The following UBAP1L variants were observed in gnomAD, a reference collection of about 807,000 sequenced individuals.
UBAP1L encodes the protein ubiquitin associated protein 1 like.
UBAP1L carries 32 observed loss-of-function variants against 32.1 expected under a neutral mutation model. The ratio of observed to expected loss-of-function variants is 1.00; its 90% CI spans 0.75 to 1.34. UBAP1L has a LOEUF of 1.34. Among genes scored for constraint, UBAP1L ranks in the 40% most tolerant of loss-of-function variants. UBAP1L has a pLI of 0.00. For missense variants in UBAP1L, 516 were observed against 540.5 expected, an observed-to-expected ratio of 0.95 and a Z score of 0.45; for synonymous variants, 243 against 250.2, an observed-to-expected ratio of 0.97 and a Z score of 0.27.
At chr15:65,112,251 G>C (rs1370016514) in intron 1 of UBAP1L, among the ~76,000 whole-genome samples, 1 of 152,174 alleles carries the variant, frequency 6.6e-6, no homozygotes, top group Non-Finnish European at 1.5e-5. Context: ...TAAGCAGATG[G>C]TCTGTGCTGG....
chr15:65,104,187 G>A (rs1471884892), intron 2 of UBAP1L, among the ~76,000 whole-genome samples: 1 of 152,030 alleles, frequency 6.6e-6, no homozygotes, highest in Non-Finnish European at 1.5e-5. Flanking sequence ...GGGAGGTGGA[G>A]GTTGCAATGT....
At position 65,106,348 on chromosome 15, in the gene UBAP1L, A is replaced by G; in HGVS notation, c.-133T>C. The stretch of plus-strand genomic sequence containing the variant: ...GCTCTCCTGTGTGGTCACTTAGCTG[A>G]GCCCCAAACAGCTGGAAAGGAAAAG... On this transcript the variant is annotated 5_prime_UTR_variant, in exon 2 of 6. Coordinates refer to ENST00000559089, the MANE Select transcript of UBAP1L (RefSeq NM_001163692.2). 1 of 1,076,666 alleles carries G rather than the reference A, an allele frequency of 9.3e-7. No individual in the cohort carries two copies. Among genetic ancestry groups the G allele is most frequent in the Non-Finnish European group, 1.3e-6 (1 of 790,856 alleles). 66.7% of individuals were successfully genotyped at this position (1,076,666 alleles called of 1,614,324 possible).
At chr15:65,097,237 C>T (rs771297607) in intron 4 of UBAP1L, 3 of 152,314 alleles carry the variant, frequency 2.0e-5, no homozygotes, top group Non-Finnish European at 4.4e-5. Flanking sequence ...ATCTTCAGAC[C>T]CCCAGAGTGA....
At chr15:65,113,363 G>A (rs1315142246) in intron 1 of UBAP1L, among the ~76,000 whole-genome samples, 1 of 152,150 alleles carries the variant, frequency 6.6e-6, no homozygotes, top group Admixed American at 6.5e-5. Flanking sequence ...GCCTTCAACT[G>A]CCATGGTCTC....
At chr15:65,105,160 C>T (rs2087294265) in intron 2 of UBAP1L, among the ~76,000 whole-genome samples, 1 of 150,826 alleles carries the variant, frequency 6.6e-6, no homozygotes, top group Non-Finnish European at 1.5e-5. Flanking sequence ...GCCTGGGCGA[C>T]AGAGTGAGGC....
intron 1 of UBAP1L, among the ~76,000 whole-genome samples, chr15:65,107,257 G>A (rs1212142846): frequency 6.6e-6 from 1 of 150,966 alleles, no homozygotes; most frequent in African/African-American, 2.4e-5. Context: ...CTAATAAAGA[G>A]TATCTCTAAC....
In UBAP1L at chr15:65,093,347, C is replaced by G. The variant is rs2087139454; in HGVS notation, c.1012-116G>C. On this transcript the variant is annotated intron_variant, in intron 5 of 5. Transcript: ENST00000559089. ...AGTCCCAAAAAGCTGTGGCTACCCCCAGGCCACGTGAGCCTGATCCTGGGC... is the reference window on the plus strand; with the variant it reads ...AGTCCCAAAAAGCTGTGGCTACCCCGAGGCCACGTGAGCCTGATCCTGGGC... 4 of 1,313,912 alleles carry G rather than the reference C, an allele frequency of 3.0e-6. No individual in the cohort carries two copies. The African/African-American group carries it at 4.5e-5, about 15-fold the overall frequency. The allele number at this position is 1,313,912 out of a possible 1,614,324, so 81.4% of individuals were successfully genotyped here. A position where few individuals can be genotyped will look rare whatever the true frequency, so the allele number is the denominator to read the frequency against.
chr15:65,104,632 C>G (rs2087284395), intron 2 of UBAP1L, among the ~76,000 whole-genome samples: 1 of 152,180 alleles, frequency 6.6e-6, no homozygotes, highest in Non-Finnish European at 1.5e-5. Flanking sequence ...AATGCCAGCA[C>G]TGGGAGGCCG....
chr15:65,094,349 C>A lies in UBAP1L; in HGVS notation c.1011+126G>T, dbSNP rs1014510761. On this transcript the variant is annotated intron_variant, in intron 5 of 5. Coordinates refer to ENST00000559089, the MANE Select transcript of UBAP1L (RefSeq NM_001163692.2). This position sits in a 1 kb window ranked among gnomAD's most constrained non-coding sequence, Gnocchi z 4.2. ...TCAGAGCTGAGGAGTCAGGCAATCT[C>A]CCGACAGACCCACAGGCTGGACCCA... The A allele has an allele frequency of 4.6e-6, 3 of 650,550 alleles. No homozygotes were observed. Among genetic ancestry groups the A allele is most frequent in the Non-Finnish European group, 7.8e-6 (3 of 383,170 alleles). 40.3% of individuals were successfully genotyped at this position (650,550 alleles called of 1,614,324 possible).
chr15:65,102,456 A>G lies in UBAP1L; in HGVS notation c.349T>C (p.Ser117Pro). 7.0e-7 allele frequency: 1 copy of G among 1,425,022 alleles called. No homozygotes were observed. The highest frequency in any genetic ancestry group is 9.2e-7 in the Non-Finnish European group (1 of 1,089,668). 88.3% of individuals were successfully genotyped at this position (1,425,022 alleles called of 1,614,324 possible). The change falls in exon 3 of 6, where the codon TCT (serine) becomes CCT (proline). Residue 117 changes from serine (S) to proline (P), a missense_variant. Ser to Pro is a moderately conservative substitution (Grantham distance 74, BLOSUM62 -1). Coordinates refer to ENST00000559089, the MANE Select transcript of UBAP1L (RefSeq NM_001163692.2). This position sits in a 1 kb window ranked among gnomAD's most constrained non-coding sequence, Gnocchi z 5.0. ...GGGGCCGGCTCTTCCTCGCTGCCAGAGGAGGCTTCTGCCTCGTCCTCACCC... is the reference window on the plus strand; with the variant it reads ...GGGGCCGGCTCTTCCTCGCTGCCAGGGGAGGCTTCTGCCTCGTCCTCACCC... The part of the protein sequence containing the change: ...EEGEDEAEAS[S>P]GSEEEPAPSS...
At position 65,093,111 on chromosome 15, in the gene UBAP1L, C is replaced by G; in HGVS notation, c.1132G>C (p.Ala378Pro). Residue 378 changes from alanine to proline, a missense_variant, in exon 6 of 6, where the codon GCC becomes CCC. Transcript: ENST00000559089. ...RREQALEELV[A>P]CAQ ...TGCCTCCGTGGTCACTGGGCACAGG[C>G]CACCAGCTCCTCCAGGGCTTGCTCT... 1 of 1,548,950 alleles carries G rather than the reference C, an allele frequency of 6.5e-7. No homozygotes were observed. Among genetic ancestry groups the G allele is most frequent in the Non-Finnish European group, 8.7e-7 (1 of 1,146,456 alleles).
chr15:65,111,792 C>CTT (rs765098451), intron 1 of UBAP1L, among the ~76,000 whole-genome samples: 1 of 149,182 alleles, frequency 6.7e-6, no homozygotes, highest in Non-Finnish European at 1.5e-5. Flanking sequence ...GCCTATATCT[C>CTT]TTTTTTTTTT....
Position 65,106,350 on chromosome 15 carries a change from C to T in UBAP1L, c.-135G>A. On this transcript the variant is annotated 5_prime_UTR_variant, in exon 2 of 6. Coordinates refer to ENST00000559089, the MANE Select transcript of UBAP1L (RefSeq NM_001163692.2). ...TCTCCTGTGTGGTCACTTAGCTGAG[C>T]CCCAAACAGCTGGAAAGGAAAAGGT... The T allele has an allele frequency of 9.3e-7, 1 of 1,071,256 alleles. No individual in the cohort carries two copies. Among genetic ancestry groups the T allele is most frequent in the Non-Finnish European group, 1.3e-6 (1 of 786,742 alleles). The allele number at this position is 1,071,256 out of a possible 1,614,324, so 66.4% of individuals were successfully genotyped here. A position where few individuals can be genotyped will look rare whatever the true frequency, so the allele number is the denominator to read the frequency against.
At chr15:65,109,885 TAGTC>T (rs1400274806) in intron 1 of UBAP1L, among the ~76,000 whole-genome samples, 1 of 152,236 alleles carries the variant, frequency 6.6e-6, no homozygotes, top group East Asian at 1.9e-4. Flanking sequence ...GAAAGTCACT[TAGTC>T]AACAGTATCT....
chr15:65,108,990 C>T (rs1442024255), intron 1 of UBAP1L, among the ~76,000 whole-genome samples: 3 of 151,086 alleles, frequency 2.0e-5, no homozygotes, highest in African/African-American at 7.3e-5. Context: ...AACCCTGTTT[C>T]TACTAAACAT....
intron 4 of UBAP1L, chr15:65,096,389 G>A (rs2087174113): frequency 6.6e-6 from 1 of 152,180 alleles, no homozygotes; most frequent in South Asian, 2.1e-4. Context: ...CAGTGAATGG[G>A]GACAGCTGAC....
In UBAP1L at chr15:65,106,272, G is replaced by A; in HGVS notation, c.-57C>T. On this transcript the variant is annotated 5_prime_UTR_variant, in exon 2 of 6. Coordinates refer to ENST00000559089, the MANE Select transcript of UBAP1L (RefSeq NM_001163692.2). ...CTGGGGCAGGCTGCTTGATGGCAGGGAGAGAGAGTCGAGTCCTGAGGACCA... is the reference window on the plus strand; with the variant it reads ...CTGGGGCAGGCTGCTTGATGGCAGGAAGAGAGAGTCGAGTCCTGAGGACCA... The A allele has an allele frequency of 6.7e-7, 1 of 1,501,716 alleles. No homozygotes were observed. Among genetic ancestry groups the A allele is most frequent in the Non-Finnish European group, 8.9e-7 (1 of 1,125,802 alleles). 93.0% of individuals were successfully genotyped at this position (1,501,716 alleles called of 1,614,324 possible). A position where few individuals can be genotyped will look rare whatever the true frequency, so the allele number is the denominator to read the frequency against.
intron 1 of UBAP1L, among the ~76,000 whole-genome samples, chr15:65,111,194 C>A (rs1222761817): frequency 1.3e-5 from 2 of 152,218 alleles, no homozygotes; most frequent in Non-Finnish European, 2.9e-5. Flanking sequence ...ATTATCTGCC[C>A]CATCAGCCAG....
intron 1 of UBAP1L, among the ~76,000 whole-genome samples, chr15:65,110,739 A>C (rs1273272243): frequency 1.3e-5 from 2 of 152,034 alleles, no homozygotes; most frequent in Non-Finnish European, 2.9e-5. Flanking sequence ...ATTCACACAG[A>C]ATTTAAGCTC....
Sources: gnomAD v4.1 joint callset for allele counts (sites outside exome capture counted in the v4.1 genomes callset) on GRCh38, gnomAD v4.1.1 for gene constraint, Gnocchi (gnomAD v3.1) non-coding constraint, MANE v1.5 for transcripts, NCBI Gene and HGNC (gene_info 2026-07-23, HGNC 2026-07-21) for gene names.